Variants in APBB2 observed in about 807,000 individuals in gnomAD.
The protein encoded by APBB2 is Fe65-like 1.
APBB2 carries 38 observed loss-of-function variants against 82.5 expected under a neutral mutation model. That is an observed-to-expected ratio of 0.46 (90% CI 0.36 to 0.60). The LOEUF (loss-of-function observed/expected upper bound fraction) is 0.60, where lower values mean the gene tolerates loss of function less well. APBB2 is among the 20% of genes least tolerant of loss of function. APBB2 has a pLI of 0.00. For synonymous variants in APBB2, 341 were observed against 368.2 expected (o/e 0.93, Z 0.85); for missense variants, 772 against 972.3 (o/e 0.79, Z 2.74).
intron 10 of APBB2, among the ~76,000 whole-genome samples, chr4:40,906,653 C>T (rs60631763): frequency 0.13 from 19,812 of 151,940 alleles, 1,450 homozygotes; most frequent in Admixed American, 0.21. Context: ...TCAATTTTCA[C>T]AACCCAGTGA....
chr4:41,143,796 G>A (rs1432246220), intron 1 of APBB2, among the ~76,000 whole-genome samples: 1 of 152,114 alleles, frequency 6.6e-6, no homozygotes, highest in Admixed American at 6.5e-5. Flanking sequence ...TCCTAATAGA[G>A]GAAATTATAT....
intron 12 of APBB2, among the ~76,000 whole-genome samples, chr4:40,862,024 A>G (rs1035214587): frequency 2.0e-5 from 3 of 152,256 alleles, no homozygotes; most frequent in African/African-American, 7.2e-5. Flanking sequence ...TTTCTTTCAT[A>G]GAAACCTAAC....
rs1025451566 is a variant in APBB2 at position 41,146,343 on chromosome 4, A to C, written c.-416-3201T>G. Among the ~76,000 whole-genome samples the C allele has an allele frequency of 8.3e-3, 1,249 of 150,588 alleles. 24 individuals carry two copies. Among genetic ancestry groups the C allele is most frequent in the African/African-American group, 0.029 (1,169 of 40,742 alleles). On this transcript the variant is annotated intron_variant, in intron 1 of 17. Coordinates refer to ENST00000508593, the MANE Select transcript of APBB2 (RefSeq NM_004307.2). ...TGTCTCAAAAAAAAAAAAAAAAAAA[A>C]AAAAACCCGGGCATGATGGCACATG... is the stretch of plus-strand genomic sequence containing the variant.
intron 1 of APBB2, among the ~76,000 whole-genome samples, chr4:41,214,105 T>C (rs35957346): frequency 1.5e-3 from 222 of 152,122 alleles, no homozygotes; most frequent in Non-Finnish European, 2.5e-3. Context: ...GCGGGAGGGA[T>C]GGAAGTCAAG....
intron 6 of APBB2, among the ~76,000 whole-genome samples, chr4:40,967,207 T>G (rs1057427817): frequency 1.2e-4 from 18 of 152,142 alleles, no homozygotes; most frequent in African/African-American, 4.3e-4. Flanking sequence ...TGAGCTGTTC[T>G]GTCACTCAAT....
At chr4:40,892,555 C>A (rs1772357954) in intron 11 of APBB2, 1 of 152,206 alleles carries the variant, frequency 6.6e-6, no homozygotes, top group Non-Finnish European at 1.5e-5. Context: ...TCACTAGAAG[C>A]AGAGAGAACA....
rs566104386 is a variant in APBB2 at position 41,160,403 on chromosome 4, C to T, written c.-416-17261G>A. ...CTTTTTAAATATTAGATAAACCAGA[C>T]GCAGGGAAATTTTCTCTCCAGAATG... is the stretch of plus-strand genomic sequence containing the variant. On this transcript the variant is annotated intron_variant, in intron 1 of 17. Transcript: ENST00000508593. 9.2e-5 allele frequency among the ~76,000 whole-genome samples: 14 copies of T among 152,236 alleles called. 1 individual carries two copies. Among genetic ancestry groups the T allele is most frequent in the East Asian group, 1.9e-4 (1 of 5,188 alleles).
At chr4:40,932,965 G>C (rs1185349327) in intron 10 of APBB2, among the ~76,000 whole-genome samples, 4 of 152,204 alleles carry the variant, frequency 2.6e-5, no homozygotes, top group African/African-American at 4.8e-5. Flanking sequence ...CTGGGTTCAA[G>C]TGATTCTCCT....
At chr4:40,901,145 C>G (rs4616795) in intron 10 of APBB2, among the ~76,000 whole-genome samples, 5,873 of 152,214 alleles carry the variant, frequency 0.039, 370 homozygotes, top group African/African-American at 0.13. Flanking sequence ...ACCCAGGTTA[C>G]TCAATCTTGG....
chr4:41,091,629 G>A (rs1262880114), intron 3 of APBB2, among the ~76,000 whole-genome samples: 2 of 152,202 alleles, frequency 1.3e-5, no homozygotes, highest in African/African-American at 4.8e-5. Flanking sequence ...ACCTTGCAGA[G>A]TTATCTAGCA....
chr4:41,066,663 G>C (rs1468773865), intron 3 of APBB2, among the ~76,000 whole-genome samples: 1 of 152,210 alleles, frequency 6.6e-6, no homozygotes, highest in African/African-American at 2.4e-5. Flanking sequence ...TGCGAGACAA[G>C]GCGATGGAAA....
At chr4:41,034,223 C>T (rs1168967491) in intron 4 of APBB2, among the ~76,000 whole-genome samples, 1 of 143,712 alleles carries the variant, frequency 7.0e-6, no homozygotes, top group East Asian at 2.4e-4. Context: ...TTCTTCAGTG[C>T]ACAGCTGGTT....
At chr4:41,085,468 T>A (rs1739327627) in intron 3 of APBB2, among the ~76,000 whole-genome samples, 2 of 152,260 alleles carry the variant, frequency 1.3e-5, no homozygotes, top group South Asian at 4.1e-4. Context: ...ATCCCTAAGT[T>A]CACTCTTTGG....
chr4:40,923,207 C>T (rs1402375536), intron 10 of APBB2, among the ~76,000 whole-genome samples: 1 of 149,720 alleles, frequency 6.7e-6, no homozygotes, highest in Non-Finnish European at 1.5e-5. Flanking sequence ...GATCTCCTGA[C>T]CTTGTGATCC....
Position 41,183,002 on chromosome 4 carries a change from A to G in APBB2, c.-417+31403T>C, listed in dbSNP as rs145749954. The stretch of plus-strand genomic sequence containing the variant: ...ACCTAAGTCCTAAATCAAACTCCTA[A>G]TGGTACCTCCAAACTGGCTTCTTCC... On this transcript the variant is annotated intron_variant, in intron 1 of 17. Coordinates refer to ENST00000508593, the MANE Select transcript of APBB2 (RefSeq NM_004307.2). Among the ~76,000 whole-genome samples, 100 of 152,250 alleles carry G rather than the reference A, an allele frequency of 6.6e-4. No individual in the cohort carries two copies. In the East Asian group the frequency reaches 0.017, roughly 26 times the overall value.
rs1276565087 is a variant in APBB2, at chr4:41,033,278, T to G, written c.-24A>C. On this transcript the variant is annotated 5_prime_UTR_variant, in exon 5 of 18. Coordinates refer to ENST00000508593, the MANE Select transcript of APBB2 (RefSeq NM_004307.2). ...ATGGATCACCAGGCGTCAGCAATGG[T>G]GCAGGAAATAGGTTATAATTTGAAA... 1 of 1,599,506 alleles carries G rather than the reference T, an allele frequency of 6.3e-7. No individual in the cohort carries two copies. The highest frequency in any genetic ancestry group is 1.3e-5 in the African/African-American group (1 of 74,286).
chr4:41,156,712 CT>C (rs1380136684), intron 1 of APBB2, among the ~76,000 whole-genome samples: 1 of 152,118 alleles, frequency 6.6e-6, no homozygotes, highest in Non-Finnish European at 1.5e-5. Context: ...GAATACGTTC[CT>C]TATCTGTGTG....
At chr4:41,186,812 G>A (rs1773027286) in intron 1 of APBB2, among the ~76,000 whole-genome samples, 1 of 152,102 alleles carries the variant, frequency 6.6e-6, no homozygotes, top group South Asian at 2.1e-4. Flanking sequence ...CTATCAGGTA[G>A]GTATTAATCG....
intron 1 of APBB2, among the ~76,000 whole-genome samples, chr4:41,212,690 G>A (rs983322488): frequency 3.9e-5 from 6 of 152,102 alleles, no homozygotes; most frequent in African/African-American, 1.2e-4. Context: ...CGGTGACTTC[G>A]GGGTCATACA....
Sources: gnomAD v4.1 joint callset for allele counts (sites outside exome capture counted in the v4.1 genomes callset) on GRCh38, gnomAD v4.1.1 for gene constraint, MANE v1.5 for transcripts, NCBI Gene and HGNC (gene_info 2026-07-23, HGNC 2026-07-21) for gene names.